ARSK: variants seen among roughly 807,000 people sequenced by gnomAD.
ARSK encodes arylsulfatase family member K.
Under a neutral mutation model 53.2 loss-of-function variants are expected in ARSK, and 37 were observed. That is an observed-to-expected ratio of 0.70 (90% CI 0.54 to 0.92). The LOEUF is 0.92. Among genes scored for constraint, ARSK ranks in the 40% least tolerant of loss-of-function variants. The pLI, the probability that ARSK is intolerant of heterozygous loss-of-function variation, is 0.00. For synonymous variants in ARSK, 208 were observed against 223.2 expected, an observed-to-expected ratio of 0.93 and a Z score of 0.61; for missense variants, 613 against 643.0, an observed-to-expected ratio of 0.95 and a Z score of 0.51.
chr5:95,567,619 G>A lies in ARSK; in HGVS notation c.257-271G>A, dbSNP rs80005196. On this transcript the variant is annotated intron_variant, in intron 2 of 7. Coordinates refer to ENST00000380009, the MANE Select transcript of ARSK (RefSeq NM_198150.3). ...AGAGGCCTCTAGTCACACATGCTTTGTATTTAATTCCAGCTGTATTTACCT... is the reference window on the plus strand; with the variant it reads ...AGAGGCCTCTAGTCACACATGCTTTATATTTAATTCCAGCTGTATTTACCT... Among the ~76,000 whole-genome samples the A allele has an allele frequency of 1.6e-4, 24 of 152,252 alleles. No homozygotes were observed. In the East Asian group the frequency reaches 4.2e-3, roughly 27 times the overall value.
chr5:95,589,923 C>A (rs1749183504), intron 5 of ARSK, among the ~76,000 whole-genome samples: 2 of 152,342 alleles, frequency 1.3e-5, no homozygotes, highest in Admixed American at 1.3e-4. Context: ...TATTTCTCCA[C>A]AACCTCTCCA....
At position 95,566,078 on chromosome 5, in the gene ARSK, C is replaced by G. The variant is rs769677635; in HGVS notation, c.207C>G (p.Ser69=). The G allele has an allele frequency of 5.0e-6, 8 of 1,613,546 alleles. No individual in the cohort carries two copies. The highest frequency in any genetic ancestry group is 6.8e-6 in the Non-Finnish European group (8 of 1,179,838). ...ACTTTATGAAGACACGTGGGACTTC[C>G]TTTCTGAATGCCTACACAAACTCTC... ...FINFMKTRGT[S]FLNAYTNSPI... Residue 69 remains serine, a synonymous_variant, in exon 2 of 8, where the codon TCC becomes TCG. Transcript: ENST00000380009.
chr5:95,586,675 A>G lies in ARSK; in HGVS notation c.813A>G (p.Glu271=), dbSNP rs141927922. ...KNCTGRFTKK[E]IKNIRAFYYA... Reference sequence around the variant, plus strand: ...GCACTGGAAGATTTACAAAAAAAGAAATTAAGAATATTAGAGCATTTTATT... The same window carrying G: ...GCACTGGAAGATTTACAAAAAAAGAGATTAAGAATATTAGAGCATTTTATT... Residue 271 remains glutamate, a synonymous_variant, in exon 5 of 8, where the codon GAA becomes GAG. Coordinates refer to ENST00000380009, the MANE Select transcript of ARSK (RefSeq NM_198150.3). 5.0e-6 allele frequency: 8 copies of G among 1,612,150 alleles called. No homozygotes were observed. The African/African-American group carries it at 1.1e-4, about 21-fold the overall frequency.
intron 1 of ARSK, among the ~76,000 whole-genome samples, chr5:95,564,291 G>A (rs1748689878): frequency 6.6e-6 from 1 of 151,948 alleles, no homozygotes; most frequent in Non-Finnish European, 1.5e-5. Context: ...ATGCACTTTT[G>A]TCTTCGCCTT....
rs781502727 is a variant in ARSK at position 95,555,317 on chromosome 5, G to T, written c.39G>T (p.Ala13=). The change falls in exon 1 of 8, where the codon GCG becomes GCT. Residue 13 remains alanine, a synonymous_variant. Transcript: ENST00000380009. This position sits in a 1 kb window ranked among gnomAD's most constrained non-coding sequence, Gnocchi z 4.0. ...LLWVSVVAAL[A]LAVLAPGAGE... is the part of the protein sequence containing the mutation. The stretch of plus-strand genomic sequence containing the variant: ...GGGTGTCGGTGGTCGCAGCCTTGGC[G>T]CTGGCGGTACTGGCCCCCGGAGCAG... 3.1e-6 allele frequency: 5 copies of T among 1,597,758 alleles called. No individual in the cohort carries two copies. In the South Asian group the frequency reaches 4.4e-5, roughly 14 times the overall value.
At chr5:95,568,997 G>A (rs1002300924) in intron 3 of ARSK, among the ~76,000 whole-genome samples, 5 of 152,246 alleles carry the variant, frequency 3.3e-5, no homozygotes, top group East Asian at 1.9e-4. Flanking sequence ...GACTCCAACC[G>A]GACACTTGTG....
In ARSK at chr5:95,603,477, A is replaced by G; in HGVS notation, c.1562A>G (p.Asn521Ser). ...DWQKEPRKYE[N>S]AIDQWLKTHM... is the part of the protein sequence containing the mutation. ...CAGAAGGAACCAAGGAAGTATGAAAATGCAATTGATCAGTGGCTTAAAACC... is the reference window on the plus strand; with the variant it reads ...CAGAAGGAACCAAGGAAGTATGAAAGTGCAATTGATCAGTGGCTTAAAACC... The change falls in exon 8 of 8, where the codon AAT becomes AGT. Residue 521 changes from asparagine to serine, a missense_variant. Coordinates refer to ENST00000380009, the MANE Select transcript of ARSK (RefSeq NM_198150.3). The G allele has an allele frequency of 1.2e-6, 2 of 1,612,666 alleles. No homozygotes were observed. Among genetic ancestry groups the G allele is most frequent in the Non-Finnish European group, 1.7e-6 (2 of 1,179,626 alleles).
rs192840549 is a variant in ARSK at position 95,570,666 on chromosome 5, C to T, written c.416+2617C>T. ...TAAAAGATACTATACAAGGATTAAG[C>T]GGAATAATATAAAATATTTAACAGT... On this transcript the variant is annotated intron_variant, in intron 3 of 7. Transcript: ENST00000380009. Among the ~76,000 whole-genome samples, 630 of 152,080 alleles carry T rather than the reference C, an allele frequency of 4.1e-3. 4 individuals are homozygous for T. Among genetic ancestry groups the T allele is most frequent in the South Asian group, 7.3e-3 (35 of 4,822 alleles).
chr5:95,591,352 A>G, intron 5 of ARSK, 49 bp from the exon 6 acceptor site: 1 of 1,482,812 alleles, frequency 6.7e-7, no homozygotes, highest in Non-Finnish European at 9.4e-7. Context: ...GTGATAGAAT[A>G]AAACATGAAC....
chr5:95,597,909 G>T (rs1161344453), intron 6 of ARSK, among the ~76,000 whole-genome samples: 4 of 149,734 alleles, frequency 2.7e-5, no homozygotes, highest in African/African-American at 4.9e-5. Flanking sequence ...AAAAAAGTGG[G>T]GGGCGGGTAA....
intron 6 of ARSK, among the ~76,000 whole-genome samples, chr5:95,592,157 C>T (rs1246207043): frequency 1.3e-5 from 2 of 152,160 alleles, no homozygotes; most frequent in Admixed American, 6.5e-5. Flanking sequence ...AGAATAACGA[C>T]ATAATCAAAT....
At chr5:95,568,097 C>G (rs183801731) in intron 3 of ARSK, 48 bp downstream of exon 3, 2 of 1,554,260 alleles carry the variant, frequency 1.3e-6, no homozygotes, top group Middle Eastern at 1.7e-4. Context: ...TCTGCCATAG[C>G]GTGTACATGT....
At chr5:95,592,825 G>A (rs1262868697) in intron 6 of ARSK, among the ~76,000 whole-genome samples, 1 of 152,188 alleles carries the variant, frequency 6.6e-6, no homozygotes, top group Non-Finnish European at 1.5e-5. Flanking sequence ...GGGATTACAG[G>A]CGTGAGCCAC....
Position 95,567,882 on chromosome 5 carries a change from T to G in ARSK, c.257-8T>G. 6.3e-7 allele frequency: 1 copy of G among 1,579,080 alleles called. No homozygotes were observed. On this transcript the variant is annotated splice_region_variant and splice_polypyrimidine_tract_variant and intron_variant, in intron 2 of 7. Transcript: ENST00000380009. ...CTTAATCCCAATTCCTTTTTTTTTT[T>G]TTCTCAGCAATGTGGAGTGGCCTCT...
At chr5:95,575,318 G>A (rs1210393773) in intron 3 of ARSK, among the ~76,000 whole-genome samples, 1 of 152,078 alleles carries the variant, frequency 6.6e-6, no homozygotes, top group East Asian at 1.9e-4. Context: ...GCATAGCTTG[G>A]ACTACGCTGG....
At chr5:95,579,235 T>G (rs1028299442) in intron 3 of ARSK, among the ~76,000 whole-genome samples, 4 of 152,184 alleles carry the variant, frequency 2.6e-5, no homozygotes, top group Non-Finnish European at 4.4e-5. Context: ...CCTTTGTGAT[T>G]CAGTGAGTCT....
At chr5:95,566,151 G>A (rs777115547) in intron 2 of ARSK, 24 bp downstream of exon 2, 28 of 1,607,348 alleles carry the variant, frequency 1.7e-5, no homozygotes, top group Non-Finnish European at 2.2e-5. Context: ...TAATATGAAT[G>A]GGAGAAAGTG....
intron 4 of ARSK, among the ~76,000 whole-genome samples, chr5:95,584,959 G>A (rs534458890): frequency 1.8e-4 from 28 of 152,102 alleles, no homozygotes; most frequent in Middle Eastern, 3.2e-3. Flanking sequence ...ACAGTGAACC[G>A]AGATTGCGTC....
rs1205065308 is a variant in ARSK at position 95,555,893 on chromosome 5, C to A, written c.126+489C>A. 6.6e-6 allele frequency among the ~76,000 whole-genome samples: 1 copy of A among 152,146 alleles called. No individual in the cohort carries two copies. The highest frequency in any genetic ancestry group is 2.4e-5 in the African/African-American group (1 of 41,420). ...CTGTTAGTGCTGATTCAAATGGAAT[C>A]GTTGGTATAACTTGATTCACTCCCC... On this transcript the variant is annotated intron_variant, in intron 1 of 7. Coordinates refer to ENST00000380009, the MANE Select transcript of ARSK (RefSeq NM_198150.3). The surrounding 1 kb of genome is among the most constrained non-coding windows in gnomAD (Gnocchi z 4.0).
Sources: allele counts gnomAD v4.1 joint callset (sites outside exome capture counted in the v4.1 genomes callset), GRCh38; gene constraint gnomAD v4.1.1; non-coding constraint Gnocchi (gnomAD v3.1); transcripts MANE v1.5; gene names NCBI Gene and HGNC (gene_info 2026-07-23, HGNC 2026-07-21).